Variants in NBPF14 observed in about 807,000 individuals in gnomAD.
NBPF14 encodes the protein NBPF member 14.
NBPF14 carries 104 observed loss-of-function variants against 91.2 expected under a neutral mutation model. The ratio of observed to expected loss-of-function variants is 1.14; its 90% CI spans 0.97 to 1.34. The LOEUF is 1.34. NBPF14 is among the 40% of genes most tolerant of loss of function. NBPF14 has a pLI of 0.00. For missense variants in NBPF14, 908 were observed against 783.0 expected, an observed-to-expected ratio of 1.16 and a Z score of -1.91; for synonymous variants, 294 against 303.8, an observed-to-expected ratio of 0.97 and a Z score of 0.34.
chr1:148,534,181 G>C (rs1195859885), intron 69 of NBPF14, among the ~76,000 whole-genome samples: 23 of 149,718 alleles, frequency 1.5e-4, no homozygotes, highest in Admixed American at 8.2e-4. Flanking sequence ...CCCTATTCTA[G>C]TAGATCGTTA....
intron 36 of NBPF14, among the ~76,000 whole-genome samples, chr1:148,560,187 C>G (rs1330344128): frequency 2.0e-5 from 3 of 150,970 alleles, no homozygotes; most frequent in African/African-American, 7.4e-5. Flanking sequence ...GAGACAGAGA[C>G]AGAGACAGAG....
intron 6 of NBPF14, among the ~76,000 whole-genome samples, chr1:148,590,027 G>A (rs1662197359): frequency 7.2e-6 from 1 of 139,770 alleles, no homozygotes; most frequent in African/African-American, 2.6e-5. Flanking sequence ...CAGCGCCCCT[G>A]GTCAGAGACT....
At chr1:148,534,448 T>C (rs373309159) in intron 69 of NBPF14, among the ~76,000 whole-genome samples, 1 of 151,732 alleles carries the variant, frequency 6.6e-6, no homozygotes, top group East Asian at 1.9e-4. Flanking sequence ...GTCATGAGAA[T>C]AGGATCAGGG....
intron 2 of NBPF14, among the ~76,000 whole-genome samples, chr1:148,595,231 T>A (rs1663119703): frequency 6.8e-6 from 1 of 147,984 alleles, no homozygotes; most frequent in South Asian, 2.2e-4. Context: ...GGATCTTATA[T>A]GGTACAGAGA....
intron 69 of NBPF14, 37 bp downstream of exon 69, chr1:148,534,647 A>C: frequency 4.6e-6 from 4 of 863,870 alleles, no homozygotes; most frequent in South Asian, 1.3e-5. Context: ...CTGGAAGACC[A>C]GGTGGAGGCT....
chr1:148,593,798 A>T (rs1662879927), intron 2 of NBPF14, 98 bp from the exon 3 acceptor site: 7 of 1,050,884 alleles, frequency 6.7e-6, no homozygotes, highest in Non-Finnish European at 1.0e-5. Flanking sequence ...CAAGGACAAA[A>T]CTCTCCCCAG....
At position 148,594,817 on chromosome 1, in the gene NBPF14, C is replaced by A. The variant is rs1663047776; in HGVS notation, c.175+726G>T. Among the ~76,000 whole-genome samples the A allele has an allele frequency of 2.3e-5, 2 of 85,368 alleles. 1 individual carries two copies. Among genetic ancestry groups the A allele is most frequent in the South Asian group, 9.0e-4 (2 of 2,212 alleles). The allele number at this position is 85,368 out of a possible 152,430, so 56.0% of individuals were successfully genotyped here. On this transcript the variant is annotated intron_variant, in intron 2 of 70. Coordinates refer to ENST00000619423, the Ensembl canonical transcript of NBPF14. The stretch of plus-strand genomic sequence containing the variant: ...GGTTCAAAGGATTCTTCTGCCTCAG[C>A]CTCCCGATTAGTGGTGATTACAGTT...
chr1:148,590,332 C>T (rs1293926125), intron 6 of NBPF14, among the ~76,000 whole-genome samples: 1 of 144,414 alleles, frequency 6.9e-6, no homozygotes, highest in African/African-American at 2.5e-5. Context: ...GCTCGGATTA[C>T]AGGTGTGACC....
intron 70 of NBPF14, 116 bp downstream of exon 70, chr1:148,533,745 G>A (rs2149467027): frequency 4.0e-6 from 3 of 757,022 alleles, no homozygotes; most frequent in East Asian, 4.9e-5. Flanking sequence ...AGCAATGACA[G>A]TAGGAGTAAT....
intron 69 of NBPF14, among the ~76,000 whole-genome samples, chr1:148,534,386 C>A (rs1449251745): frequency 2.0e-5 from 3 of 151,870 alleles, no homozygotes; most frequent in Non-Finnish European, 4.4e-5. Context: ...TCTACAAACC[C>A]TTGAGTCAAA....
chr1:148,590,175 G>C (rs2149577267), intron 6 of NBPF14, among the ~76,000 whole-genome samples: 1 of 139,928 alleles, frequency 7.1e-6, no homozygotes, highest in South Asian at 2.4e-4. Context: ...TCAGCCTCCT[G>C]AGTAGCTGGG....
intron 6 of NBPF14, among the ~76,000 whole-genome samples, chr1:148,589,673 C>T (rs1662116419): frequency 9.0e-6 from 1 of 111,286 alleles, no homozygotes; most frequent in African/African-American, 3.3e-5. Flanking sequence ...CCATGAGTGG[C>T]CAATGTTTCT....
At chr1:148,559,468 T>G (rs1365267664) in intron 37 of NBPF14, among the ~76,000 whole-genome samples, 1 of 129,402 alleles carries the variant, frequency 7.7e-6, no homozygotes, top group Non-Finnish European at 1.5e-5. Context: ...GAAATTAGAG[T>G]GAAGGATGAA....
exon 17 of NBPF14, chr1:148,575,645 C>A (rs1659577901): frequency 1.7e-5 from 3 of 175,146 alleles, no homozygotes; most frequent in Admixed American, 1.1e-4. Flanking sequence ...TCACTGTCCA[C>A]GTCAAGAGCC....
intron 37 of NBPF14, among the ~76,000 whole-genome samples, 156 bp downstream of exon 37, chr1:148,559,637 C>G (rs1293581904): frequency 8.0e-6 from 1 of 125,358 alleles, no homozygotes; most frequent in Non-Finnish European, 1.5e-5. Flanking sequence ...TCTGGGCTTC[C>G]AAGTGGAACT....
chr1:148,535,220 A>G (rs1174848461), intron 68 of NBPF14, among the ~76,000 whole-genome samples: 18,826 of 98,170 alleles, frequency 0.19, 1,780 homozygotes, highest in African/African-American at 0.4. Context: ...AAGATTCCAT[A>G]CAGTTGCCAT....
At chr1:148,577,804 T>G (rs1660200664) in intron 14 of NBPF14, among the ~76,000 whole-genome samples, 179 bp downstream of exon 14, 2 of 137,498 alleles carry the variant, frequency 1.5e-5, no homozygotes, top group Non-Finnish European at 3.1e-5. Context: ...ATGATAAGGG[T>G]AGGAAGAAAT....
At chr1:148,534,475 T>G (rs1340514099) in intron 69 of NBPF14, among the ~76,000 whole-genome samples, 4 of 151,746 alleles carry the variant, frequency 2.6e-5, no homozygotes, top group African/African-American at 9.7e-5. Context: ...AGGTATGGCC[T>G]GAGACTAGGA....
Position 148,566,487 on chromosome 1 carries a change from A to G in NBPF14, c.3543-172T>C, listed in dbSNP as rs1458017016. The stretch of plus-strand genomic sequence containing the variant: ...TTGGGACAGAACAGGGCCAAATGGA[A>G]AAGAATGAAAGAGAAAGACAGACAC... On this transcript the variant is annotated intron_variant, in intron 28 of 70. Coordinates refer to ENST00000619423, the Ensembl canonical transcript of NBPF14. Among the ~76,000 whole-genome samples, 3 of 135,000 alleles carry G rather than the reference A, an allele frequency of 2.2e-5. 1 individual carries two copies. The highest frequency in any genetic ancestry group is 3.2e-5 in the Non-Finnish European group (2 of 61,880). 88.6% of individuals were successfully genotyped at this position (135,000 alleles called of 152,430 possible). A position where few individuals can be genotyped will look rare whatever the true frequency, so the allele number is the denominator to read the frequency against.
Sources: gnomAD v4.1 joint callset for allele counts (sites outside exome capture counted in the v4.1 genomes callset) on GRCh38, gnomAD v4.1.1 for gene constraint, MANE v1.5 for transcripts, NCBI Gene and HGNC (gene_info 2026-07-23, HGNC 2026-07-21) for gene names.